Variants in HS6ST2 observed in about 807,000 individuals in gnomAD.
The protein encoded by HS6ST2 is heparan sulfate 6-O-sulfotransferase 2, also known as heparan-sulfate 6-O-sulfotransferase 2.
HS6ST2 carries 17 observed loss-of-function variants against 33.0 expected under a neutral mutation model. The ratio of observed to expected loss-of-function variants is 0.52; its 90% CI spans 0.35 to 0.77. The LOEUF is 0.77. HS6ST2 is among the 30% of genes least tolerant of loss of function. HS6ST2 has a pLI of 0.01. For synonymous variants in HS6ST2, 248 were observed against 237.1 expected (o/e 1.05, Z -0.42); for missense variants, 519 against 551.7 (o/e 0.94, Z 0.59).
chrX:132,729,105 G>A (rs1354755672), intron 2 of HS6ST2, among the ~76,000 whole-genome samples: 4 of 112,333 alleles, frequency 3.6e-5, no homozygotes, highest in African/African-American at 1.3e-4. Context: ...GAGGCACAAT[G>A]CCAAAGGACC....
chrX:132,957,993 T>C (rs1452948295), intron 1 of HS6ST2, among the ~76,000 whole-genome samples, 182 bp downstream of exon 1: 4 of 111,584 alleles, frequency 3.6e-5, no homozygotes, highest in African/African-American at 9.8e-5. Flanking sequence ...CGCGGAACAG[T>C]AGCGACGGAG....
At chrX:132,706,645 T>C (rs1602595243) in intron 3 of HS6ST2, among the ~76,000 whole-genome samples, 1 of 112,313 alleles carries the variant, frequency 8.9e-6, no homozygotes. Context: ...GATTGTTCCC[T>C]TCTTTCTCTG....
In HS6ST2 at chrX:132,756,820, G is replaced by GGTGTGTGTGTGTGT. The variant is rs3065679; in HGVS notation, c.948-48340_948-48327dup. The stretch of plus-strand genomic sequence containing the variant: ...CTTGCTCTCCCATTCCCCTGTGCAT[G>GGTGTGTGTGTGTGT]GTGTGTGTGTGTGTGTGTGTGTGTG... On this transcript the variant is annotated intron_variant, in intron 2 of 4. Coordinates refer to ENST00000370833, the MANE Select transcript of HS6ST2 (RefSeq NM_001394073.1). Among the ~76,000 whole-genome samples the GGTGTGTGTGTGTGT allele has an allele frequency of 1.6e-3, 160 of 97,335 alleles. 2 individuals are homozygous for GGTGTGTGTGTGTGT. The highest frequency in any genetic ancestry group is 0.011 in the East Asian group (33 of 2,944). The allele number at this position is 97,335 out of a possible 115,157, so 84.5% of individuals were successfully genotyped here. A position where few individuals can be genotyped will look rare whatever the true frequency, so the allele number is the denominator to read the frequency against.
intron 2 of HS6ST2, among the ~76,000 whole-genome samples, chrX:132,871,617 A>T (rs2066058290): frequency 9.0e-6 from 1 of 111,643 alleles, no homozygotes; most frequent in African/African-American, 3.3e-5. Context: ...GGATGATTTC[A>T]TGTTCTTTGC....
At chrX:132,935,597 T>C (rs1355690971) in intron 2 of HS6ST2, among the ~76,000 whole-genome samples, 1 of 111,919 alleles carries the variant, frequency 8.9e-6, no homozygotes, top group African/African-American at 3.2e-5. Flanking sequence ...AGTCTCAATA[T>C]ATTTAAAATA....
chrX:132,693,566 G>A (rs1186457399), intron 3 of HS6ST2, among the ~76,000 whole-genome samples: 2 of 111,287 alleles, frequency 1.8e-5, no homozygotes, highest in Non-Finnish European at 3.8e-5. Context: ...AAGGAGAGGC[G>A]ATAAAGGAGA....
intron 2 of HS6ST2, among the ~76,000 whole-genome samples, chrX:132,785,993 A>G (rs1288234048): frequency 9.0e-6 from 1 of 111,312 alleles, no homozygotes; most frequent in East Asian, 2.8e-4. Context: ...AGCACCACTA[A>G]TGAGCTGTGT....
chrX:132,921,873 C>A (rs1016374255), intron 2 of HS6ST2, among the ~76,000 whole-genome samples: 3 of 112,057 alleles, frequency 2.7e-5, no homozygotes, highest in African/African-American at 9.7e-5. Context: ...CATCCTTCAG[C>A]CAGACATGTC....
intron 2 of HS6ST2, among the ~76,000 whole-genome samples, chrX:132,726,958 C>A (rs2064398045): frequency 9.0e-6 from 1 of 110,663 alleles, no homozygotes. Context: ...CTCTCTCTTA[C>A]TCTTTTTGAA....
chrX:132,949,261 C>G (rs1015444134), intron 2 of HS6ST2, among the ~76,000 whole-genome samples: 3 of 108,544 alleles, frequency 2.8e-5, no homozygotes, highest in African/African-American at 1.0e-4. Context: ...AAGAAAGAAG[C>G]TCATGGAGAT....
chrX:132,957,585 C>A lies in HS6ST2; in HGVS notation c.429-259G>T, dbSNP rs1048967716. On this transcript the variant is annotated intron_variant, in intron 1 of 4. Transcript: ENST00000370833. ...CTTCCCGCGGGCCGTTCGCCCCCTC[C>A]CCCCGCCAGAGCTCTCCGGAGCTCC... Among the ~76,000 whole-genome samples, 44 of 110,442 alleles carry A rather than the reference C, an allele frequency of 4.0e-4. 1 individual carries two copies. The highest frequency in any genetic ancestry group is 1.4e-3 in the African/African-American group (43 of 30,342).
intron 4 of HS6ST2, 94 bp downstream of exon 4, chrX:132,669,019 C>A: frequency 1.8e-6 from 1 of 565,084 alleles, no homozygotes; most frequent in Non-Finnish European, 2.9e-6. Flanking sequence ...TTCCACAAAT[C>A]TTTGTTGAAT....
At chrX:132,921,391 G>A (rs978588097) in intron 2 of HS6ST2, among the ~76,000 whole-genome samples, 1 of 112,362 alleles carries the variant, frequency 8.9e-6, no homozygotes, top group Non-Finnish European at 1.9e-5. Context: ...AAACACTCAG[G>A]TTCCTGAAAA....
At chrX:132,908,016 T>A (rs922443330) in intron 2 of HS6ST2, among the ~76,000 whole-genome samples, 2 of 112,268 alleles carry the variant, frequency 1.8e-5, no homozygotes, top group Non-Finnish European at 3.8e-5. Flanking sequence ...ATCCTGTCAC[T>A]GATAAAAGAC....
In HS6ST2 at chrX:132,806,017, G is replaced by T. The variant is rs754885030; in HGVS notation, c.948-97523C>A. On this transcript the variant is annotated intron_variant, in intron 2 of 4. Transcript: ENST00000370833. Reference sequence around the variant, plus strand: ...CTAAGATTTTATAATTCTCTACAGAGATTGCCTTTTGGGGGAGAACAGGGT... The same window carrying T: ...CTAAGATTTTATAATTCTCTACAGATATTGCCTTTTGGGGGAGAACAGGGT... Among the ~76,000 whole-genome samples the T allele has an allele frequency of 5.0e-4, 55 of 110,153 alleles. 1 individual carries two copies. Among genetic ancestry groups the T allele is most frequent in the Admixed American group, 3.6e-3 (37 of 10,346 alleles).
chrX:132,700,167 G>T (rs1318968806), intron 3 of HS6ST2, among the ~76,000 whole-genome samples: 5 of 111,937 alleles, frequency 4.5e-5, no homozygotes, highest in Non-Finnish European at 9.4e-5. Flanking sequence ...ACCAAATGCC[G>T]TTTACGGATG....
upstream of HS6ST2, among the ~76,000 whole-genome samples, chrX:132,959,329 G>T (rs1418506647): frequency 8.9e-6 from 1 of 112,581 alleles, no homozygotes; most frequent in Non-Finnish European, 1.9e-5. Flanking sequence ...TTCAGGAAAA[G>T]GACCCTGGGA....
intron 2 of HS6ST2, among the ~76,000 whole-genome samples, chrX:132,898,194 G>A (rs1029755303): frequency 1.8e-5 from 2 of 109,579 alleles, no homozygotes; most frequent in African/African-American, 6.6e-5. Context: ...CCCCCTGTCC[G>A]TGGAAAAATT....
chrX:132,817,790 T>C (rs1304747166), intron 2 of HS6ST2, among the ~76,000 whole-genome samples: 1 of 111,943 alleles, frequency 8.9e-6, no homozygotes, highest in Non-Finnish European at 1.9e-5. Flanking sequence ...CTTATTAGCT[T>C]TATAACCTCT....
Sources: allele counts gnomAD v4.1 joint callset (sites outside exome capture counted in the v4.1 genomes callset), GRCh38; gene constraint gnomAD v4.1.1; transcripts MANE v1.5; gene names NCBI Gene and HGNC (gene_info 2026-07-23, HGNC 2026-07-21).